PKHD1L1: variants seen among roughly 807,000 people sequenced by gnomAD.
PKHD1L1 encodes the protein fibrocystin-L.
PKHD1L1 carries 434 observed loss-of-function variants against 462.9 expected under a neutral mutation model. The observed-to-expected ratio is 0.94, with a 90% CI of 0.87 to 1.02. PKHD1L1 has a LOEUF of 1.02. PKHD1L1 is among the 50% of genes least tolerant of loss of function. The probability of loss-of-function intolerance (pLI) is 0.00; values close to 1 mark genes in which losing one functional copy is unlikely to be tolerated. For synonymous variants in PKHD1L1, 1,781 were observed against 1,750.0 expected (o/e 1.02, Z -0.44); for missense variants, 5,202 against 5,096.1 (o/e 1.02, Z -0.63).
At position 109,480,050 on chromosome 8, in the gene PKHD1L1, G is replaced by T; in HGVS notation, c.9238G>T (p.Val3080Phe). 1 of 1,593,966 alleles carries T rather than the reference G, an allele frequency of 6.3e-7. No individual in the cohort carries two copies. The highest frequency in any genetic ancestry group is 1.2e-5 in the South Asian group (1 of 86,798). Residue 3080 changes from valine to phenylalanine, a missense_variant, in exon 55 of 78, where the codon GTT (valine) becomes TTT (phenylalanine). By Grantham distance (50) the Val-to-Phe change is conservative. Coordinates refer to ENST00000378402, the MANE Select transcript of PKHD1L1 (RefSeq NM_177531.6). ...AATGGAAAGACTCATTATTTGGGGG[G>T]TTCTAGAACTGGAAGATAAATACAA... ...PSMERLIIWG[V>F]LELEDKYNVG...
chr8:109,475,412 G>A, intron 51 of PKHD1L1, 143 bp downstream of exon 51: 1 of 741,246 alleles, frequency 1.3e-6, no homozygotes. Context: ...TTCTTTGTGA[G>A]CCACTCTGAA....
chr8:109,418,453 T>C (rs1814296934), intron 21 of PKHD1L1, among the ~76,000 whole-genome samples: 1 of 152,224 alleles, frequency 6.6e-6, no homozygotes, highest in African/African-American at 2.4e-5. Flanking sequence ...TATATTTAAT[T>C]ATTTGAATGG....
At chr8:109,439,573 T>A (rs1815656373) in intron 32 of PKHD1L1, among the ~76,000 whole-genome samples, 1 of 152,130 alleles carries the variant, frequency 6.6e-6, no homozygotes. Context: ...AGAGCTAACT[T>A]ATCCTGAGTA....
At chr8:109,456,013 T>C (rs1816802988) in intron 45 of PKHD1L1, among the ~76,000 whole-genome samples, 1 of 152,128 alleles carries the variant, frequency 6.6e-6, no homozygotes, top group Non-Finnish European at 1.5e-5. Flanking sequence ...TGGTTATAAA[T>C]AGGGTATATC....
At chr8:109,470,413 A>G in intron 50 of PKHD1L1, 1 of 1,597,730 alleles carries the variant, frequency 6.3e-7, no homozygotes, top group Non-Finnish European at 8.6e-7. Context: ...AAGCAAAGAA[A>G]AAACTGATAA....
At chr8:109,449,536 TA>T (rs1399714229) in intron 40 of PKHD1L1, 49 bp downstream of exon 40, 3 of 1,465,320 alleles carry the variant, frequency 2.0e-6, no homozygotes, top group Non-Finnish European at 2.7e-6. Flanking sequence ...TAGTTAATTT[TA>T]TAAAGATCAG....
intron 18 of PKHD1L1, among the ~76,000 whole-genome samples, chr8:109,409,146 A>G (rs1283744959): frequency 6.6e-6 from 1 of 152,234 alleles, no homozygotes; most frequent in Non-Finnish European, 1.5e-5. Flanking sequence ...AGAAAATGAT[A>G]TGGAAATTTT....
Position 109,412,311 on chromosome 8 carries a change from G to T in PKHD1L1, c.2132G>T (p.Cys711Phe), listed in dbSNP as rs1182996249. Residue 711 changes from cysteine (C) to phenylalanine (F), a missense_variant, in exon 20 of 78, where the codon TGT becomes TTT. Around this residue, in one of 3 missense-constraint regions of PKHD1L1, gnomAD observed 4,497 missense variants for 4,336.8 expected, o/e 1.04. Coordinates refer to ENST00000378402, the MANE Select transcript of PKHD1L1 (RefSeq NM_177531.6). ...AAGACAGCTGAAACCGATGCTTACT[G>T]TGGTCGTTATTCCCTGAAAAACCCA... is the stretch of plus-strand genomic sequence containing the variant. The part of the protein sequence containing the change: ...GQKTAETDAY[C>F]GRYSLKNPAV... The T allele has an allele frequency of 1.9e-6, 3 of 1,613,822 alleles. No individual in the cohort carries two copies. Among genetic ancestry groups the T allele is most frequent in the Non-Finnish European group, 2.5e-6 (3 of 1,179,774 alleles).
At chr8:109,430,064 TG>T (rs1303875762) in intron 27 of PKHD1L1, 27 bp downstream of exon 27, 2 of 1,445,976 alleles carry the variant, frequency 1.4e-6, no homozygotes, top group Admixed American at 2.0e-5. Flanking sequence ...TAACCTATAC[TG>T]GGTGTGAAAG....
chr8:109,508,656 T>C (rs1186012344), intron 70 of PKHD1L1, among the ~76,000 whole-genome samples: 2 of 152,146 alleles, frequency 1.3e-5, no homozygotes. Context: ...AAACTGATAA[T>C]GTGTTATTTG....
intron 28 of PKHD1L1, among the ~76,000 whole-genome samples, chr8:109,434,745 A>G (rs1311127245): frequency 6.6e-6 from 1 of 152,240 alleles, no homozygotes; most frequent in Non-Finnish European, 1.5e-5. Context: ...CCGGGATTAC[A>G]GGCGTGAGCC....
chr8:109,451,116 G>A lies in PKHD1L1; in HGVS notation c.6317G>A (p.Gly2106Asp), dbSNP rs1057157573. The A allele has an allele frequency of 2.5e-6, 4 of 1,611,520 alleles. No individual in the cohort carries two copies. In the African/African-American group the frequency reaches 4.0e-5, roughly 16 times the overall value. The stretch of plus-strand genomic sequence containing the variant: ...CCTAAGAGAGGCAGTACAGCAGGGG[G>A]CACCAGACTGACAGTCGTGGGATCA... Reference protein sequence around the residue: ...VSPKRGSTAGGTRLTVVGSGF... With the variant: ...VSPKRGSTAGDTRLTVVGSGF... Residue 2106 changes from glycine to aspartate, a missense_variant, in exon 41 of 78, where the codon GGC becomes GAC. By Grantham distance (94) the Gly-to-Asp change is moderately conservative. Transcript: ENST00000378402.
chr8:109,455,012 C>G (rs1336252101), intron 45 of PKHD1L1, among the ~76,000 whole-genome samples, 160 bp downstream of exon 45: 1 of 152,110 alleles, frequency 6.6e-6, no homozygotes, highest in Non-Finnish European at 1.5e-5. Flanking sequence ...TCCTTCTTTC[C>G]CACATCCAAG....
chr8:109,390,428 T>C lies in PKHD1L1; in HGVS notation c.698-24T>C, dbSNP rs369313735. On this transcript the variant is annotated intron_variant, in intron 8 of 77. Coordinates refer to ENST00000378402, the MANE Select transcript of PKHD1L1 (RefSeq NM_177531.6). ...CTTCTGTGACTGGGAATTTAATTGA[T>C]TGTGTATTTTCATTAAATTCCAGGT... The C allele has an allele frequency of 5.3e-6, 7 of 1,330,258 alleles. No individual in the cohort carries two copies. The African/African-American group carries it at 1.0e-4, about 20-fold the overall frequency. The allele number at this position is 1,330,258 out of a possible 1,614,324, so 82.4% of individuals were successfully genotyped here.
In PKHD1L1 at chr8:109,491,999, T is replaced by C. The variant is rs1170774356; in HGVS notation, c.10236+5T>C. ...CTCTGGCATGCAGCAATTGAGGTAG[T>C]GAAAACAAACTTATAATTATACTAA... On this transcript the variant is annotated splice_donor_5th_base_variant and intron_variant, in intron 62 of 77. Coordinates refer to ENST00000378402, the MANE Select transcript of PKHD1L1 (RefSeq NM_177531.6). The C allele has an allele frequency of 9.3e-6, 14 of 1,505,082 alleles. No homozygotes were observed. Among genetic ancestry groups the C allele is most frequent in the Non-Finnish European group, 1.3e-5 (14 of 1,119,848 alleles). 93.2% of individuals were successfully genotyped at this position (1,505,082 alleles called of 1,614,324 possible).
intron 17 of PKHD1L1, among the ~76,000 whole-genome samples, chr8:109,407,674 A>G (rs910319270): frequency 1.3e-5 from 2 of 152,206 alleles, no homozygotes; most frequent in African/African-American, 4.8e-5. Context: ...GAAATATTCC[A>G]GCTGAGCATT....
chr8:109,411,266 C>T (rs1813844893), intron 19 of PKHD1L1, among the ~76,000 whole-genome samples: 1 of 152,128 alleles, frequency 6.6e-6, no homozygotes, highest in Non-Finnish European at 1.5e-5. Flanking sequence ...TTCTAATTCT[C>T]ATTTTCAAGA....
At chr8:109,378,794 A>G (rs913888977) in intron 2 of PKHD1L1, among the ~76,000 whole-genome samples, 6 of 152,180 alleles carry the variant, frequency 3.9e-5, no homozygotes, top group Non-Finnish European at 8.8e-5. Context: ...GGACTTCACT[A>G]GTTGGTTAGG....
intron 70 of PKHD1L1, among the ~76,000 whole-genome samples, chr8:109,510,387 T>C (rs922342245): frequency 6.6e-6 from 1 of 152,156 alleles, no homozygotes; most frequent in African/African-American, 2.4e-5. Context: ...TTATATTTGG[T>C]AGAGAGAAGA....
Sources: gnomAD v4.1 joint callset for allele counts (sites outside exome capture counted in the v4.1 genomes callset) on GRCh38, gnomAD v4.1.1 for gene constraint, gnomAD v4.1.1 regional missense constraint, MANE v1.5 for transcripts, NCBI Gene and HGNC (gene_info 2026-07-23, HGNC 2026-07-21) for gene names.